ATP2B4: variants seen among roughly 807,000 people sequenced by gnomAD.
The protein encoded by ATP2B4 is plasma membrane calcium-transporting ATPase 4.
In ATP2B4, 39 loss-of-function variants were observed where a neutral mutation model predicts 110.3. The observed-to-expected ratio is 0.35, with a 90% CI of 0.27 to 0.46. The LOEUF (loss-of-function observed/expected upper bound fraction) is 0.46. Among genes scored for constraint, ATP2B4 ranks in the 20% least tolerant of loss-of-function variants. The probability of loss-of-function intolerance (pLI) is 1.00; values close to 1 mark genes in which losing one functional copy is unlikely to be tolerated. For missense variants in ATP2B4, 1,135 were observed against 1,530.9 expected (o/e 0.74, Z 4.32); for synonymous variants, 538 against 571.7 (o/e 0.94, Z 0.84).
At chr1:203,659,808 G>A (rs934263425) in intron 1 of ATP2B4, among the ~76,000 whole-genome samples, 1 of 152,188 alleles carries the variant, frequency 6.6e-6, no homozygotes, top group Non-Finnish European at 1.5e-5. Context: ...AAAAAGCTGG[G>A]TGTGGTGGCT....
chr1:203,638,393 C>A (rs112005793), intron 1 of ATP2B4, among the ~76,000 whole-genome samples: 1 of 152,190 alleles, frequency 6.6e-6, no homozygotes, highest in Admixed American at 6.5e-5. Context: ...CATATTACAG[C>A]CTTCTTTGTG....
At chr1:203,681,518 C>G (rs1665012793) in intron 1 of ATP2B4, among the ~76,000 whole-genome samples, 1 of 152,146 alleles carries the variant, frequency 6.6e-6, no homozygotes, top group Non-Finnish European at 1.5e-5. Context: ...TGTTCTGGTG[C>G]TGTGCTAAGA....
At position 203,707,145 on chromosome 1, in the gene ATP2B4, C is replaced by T. The variant is rs752969528; in HGVS notation, c.1236C>T (p.Ile412=). 67 of 1,614,046 alleles carry T rather than the reference C, an allele frequency of 4.2e-5. No homozygotes were observed. Among genetic ancestry groups the T allele is most frequent in the Non-Finnish European group, 5.0e-5 (59 of 1,180,044 alleles). Residue 412 remains isoleucine, a synonymous_variant, in exon 9 of 21, where the codon ATC becomes ATT. Transcript: ENST00000357681. ...AGTACTTTGTCAAGTTCTTCATCATCGGCATCACTGTACTGGTGGTGGCTG... is the reference window on the plus strand; with the variant it reads ...AGTACTTTGTCAAGTTCTTCATCATTGGCATCACTGTACTGGTGGTGGCTG... ...YIQYFVKFFI[I]GITVLVVAVP...
At chr1:203,707,724 C>T in intron 9 of ATP2B4, 138 bp from the exon 10 acceptor site, 1 of 1,209,164 alleles carries the variant, frequency 8.3e-7, no homozygotes, top group Non-Finnish European at 1.2e-6. Context: ...AATCACTGCA[C>T]CCAGTCAGTA....
intron 15 of ATP2B4, among the ~76,000 whole-genome samples, chr1:203,720,251 C>T (rs1281683101): frequency 1.3e-5 from 2 of 152,098 alleles, no homozygotes; most frequent in African/African-American, 4.8e-5. Flanking sequence ...GTAGAATAGA[C>T]AGGATTTGCT....
At position 203,660,558 on chromosome 1, in the gene ATP2B4, T is replaced by C. The variant is rs569716442; in HGVS notation, c.-464-22184T>C. 7.9e-4 allele frequency among the ~76,000 whole-genome samples: 120 copies of C among 152,152 alleles called. 2 individuals carry two copies. In the South Asian group the frequency reaches 7.9e-3, roughly 10 times the overall value. On this transcript the variant is annotated intron_variant, in intron 1 of 20. Transcript: ENST00000357681. ...GGCTCACGCCTGTAATTCCAGCACT[T>C]TGGGAGACCGAGGTGGGCAGATCGT...
chr1:203,721,933 T>C (rs11809910), intron 17 of ATP2B4, among the ~76,000 whole-genome samples: 7 of 152,026 alleles, frequency 4.6e-5, no homozygotes, highest in African/African-American at 1.7e-4. Context: ...AGTGCTGGGA[T>C]TACAGGCATG....
intron 11 of ATP2B4, among the ~76,000 whole-genome samples, chr1:203,710,324 C>G (rs1020344543): frequency 6.6e-6 from 1 of 151,692 alleles, no homozygotes; most frequent in Admixed American, 6.6e-5. Context: ...GAGCTGAGAT[C>G]GCACCACTGC....
rs549742119 is a variant in ATP2B4 at position 203,718,728 on chromosome 1, AT to A, written c.2407-1820del. ...TATTTCAAGTAGTTACAAAATATCA[AT>A]AATATTAATAATACAGTTACTCTGC... is the stretch of plus-strand genomic sequence containing the variant. On this transcript the variant is annotated intron_variant, in intron 15 of 20. Coordinates refer to ENST00000357681, the MANE Select transcript of ATP2B4 (RefSeq NM_001684.5). Among the ~76,000 whole-genome samples, 65 of 152,332 alleles carry A rather than the reference AT, an allele frequency of 4.3e-4. No homozygotes were observed. The East Asian group carries it at 9.4e-3, about 22-fold the overall frequency.
intron 1 of ATP2B4, among the ~76,000 whole-genome samples, chr1:203,628,426 G>A (rs1469810940): frequency 6.6e-6 from 1 of 152,126 alleles, no homozygotes; most frequent in African/African-American, 2.4e-5. Context: ...CATTCCTGCC[G>A]GACTTAACAA....
intron 2 of ATP2B4, among the ~76,000 whole-genome samples, chr1:203,697,329 G>C (rs1430008568): frequency 6.6e-6 from 1 of 152,230 alleles, no homozygotes; most frequent in Non-Finnish European, 1.5e-5. Flanking sequence ...TGAGCAAGGA[G>C]CTTGTTCTTC....
chr1:203,728,685 G>A (rs537820170), intron 20 of ATP2B4, among the ~76,000 whole-genome samples: 12 of 151,892 alleles, frequency 7.9e-5, no homozygotes, highest in East Asian at 5.8e-4. Context: ...TGGAGAAACC[G>A]CGTCTCTACT....
chr1:203,635,043 C>T (rs1474145133), intron 1 of ATP2B4, among the ~76,000 whole-genome samples: 1 of 152,054 alleles, frequency 6.6e-6, no homozygotes, highest in Non-Finnish European at 1.5e-5. Context: ...GCTGCAAACT[C>T]AGCTCACCGC....
intron 16 of ATP2B4, among the ~76,000 whole-genome samples, chr1:203,720,957 A>G (rs752860186): frequency 6.6e-6 from 1 of 152,210 alleles, no homozygotes; most frequent in Non-Finnish European, 1.5e-5. Context: ...CACTGTAATA[A>G]GCATTTATAT....
intron 20 of ATP2B4, among the ~76,000 whole-genome samples, chr1:203,738,567 A>G (rs1666926717): frequency 6.6e-6 from 1 of 152,092 alleles, no homozygotes; most frequent in Non-Finnish European, 1.5e-5. Flanking sequence ...CCCCATCAGA[A>G]AGGCCACTTG....
chr1:203,702,423 T>C (rs1665722109), intron 7 of ATP2B4, among the ~76,000 whole-genome samples: 1 of 152,192 alleles, frequency 6.6e-6, no homozygotes, highest in South Asian at 2.1e-4. Flanking sequence ...GTTTCTGGGT[T>C]GGAAGACTTC....
Position 203,713,233 on chromosome 1 carries a change from C to T in ATP2B4, c.2280C>T (p.Asp760=). ...TCCTGGCGCGATCTTCTCCCACTGA[C>T]AAGCACACCCTGGTGAAAGGTGAGG... ...LRVLARSSPT[D]KHTLVKGIID... The change falls in exon 14 of 21, where the codon GAC becomes GAT. Residue 760 remains aspartate, a synonymous_variant. Coordinates refer to ENST00000357681, the MANE Select transcript of ATP2B4 (RefSeq NM_001684.5). 1 of 1,614,158 alleles carries T rather than the reference C, an allele frequency of 6.2e-7. No homozygotes were observed. The highest frequency in any genetic ancestry group is 8.5e-7 in the Non-Finnish European group (1 of 1,180,014).
At chr1:203,722,390 C>A in intron 17 of ATP2B4, 88 bp from the exon 18 acceptor site, 1 of 1,035,628 alleles carries the variant, frequency 9.7e-7, no homozygotes, top group Non-Finnish European at 1.5e-6. Context: ...GGACACCAGC[C>A]ATAAGCAAGC....
At chr1:203,728,147 T>G in intron 20 of ATP2B4, 1 of 463,456 alleles carries the variant, frequency 2.2e-6, no homozygotes, top group Admixed American at 2.5e-5. Flanking sequence ...TCTTGATGTC[T>G]GAGCATCTTT....
Sources: allele counts gnomAD v4.1 joint callset (sites outside exome capture counted in the v4.1 genomes callset), GRCh38; gene constraint gnomAD v4.1.1; transcripts MANE v1.5; gene names NCBI Gene and HGNC (gene_info 2026-07-23, HGNC 2026-07-21).